The following ERICH6 variants were observed in gnomAD, a reference collection of about 807,000 sequenced individuals.
ERICH6 encodes the protein glutamate rich 6, also known as glutamate-rich protein 6.
A neutral mutation model predicts 71.0 loss-of-function variants in ERICH6; 71 were observed. That is an observed-to-expected ratio of 1.00 (90% CI 0.83 to 1.22). ERICH6 has a LOEUF of 1.22. ERICH6 is among the 50% of genes most tolerant of loss of function. ERICH6 has a pLI of 0.00. For missense variants in ERICH6, 808 were observed against 797.2 expected, an observed-to-expected ratio of 1.01 and a Z score of -0.16; for synonymous variants, 262 against 278.4, an observed-to-expected ratio of 0.94 and a Z score of 0.59.
chr3:150,702,556 G>A (rs1712930722), intron 1 of ERICH6, among the ~76,000 whole-genome samples: 1 of 152,176 alleles, frequency 6.6e-6, no homozygotes. Flanking sequence ...GATCACAGGC[G>A]TGAGCCACCG....
At chr3:150,693,355 C>T (rs778629211) in intron 3 of ERICH6, among the ~76,000 whole-genome samples, 1 of 152,162 alleles carries the variant, frequency 6.6e-6, no homozygotes, top group African/African-American at 2.4e-5. Context: ...CCAATAAAAG[C>T]CCTTTGGGAA....
At chr3:150,692,250 C>T (rs1712470192) in intron 3 of ERICH6, among the ~76,000 whole-genome samples, 1 of 152,064 alleles carries the variant, frequency 6.6e-6, no homozygotes, top group Non-Finnish European at 1.5e-5. Flanking sequence ...TAATTGGCTT[C>T]ATGCTGTATT....
chr3:150,665,422 CA>C (rs1470439964), intron 13 of ERICH6, among the ~76,000 whole-genome samples: 1 of 145,294 alleles, frequency 6.9e-6, no homozygotes, highest in Non-Finnish European at 1.5e-5. Context: ...GAGGCTGAGA[CA>C]GGAGAATCGC....
chr3:150,665,515 C>CAAAAAAAAAA (rs59227415), intron 13 of ERICH6, among the ~76,000 whole-genome samples: 1 of 63,446 alleles, frequency 1.6e-5, no homozygotes, highest in African/African-American at 7.3e-5. Context: ...GACTCCATCT[C>CAAAAAAAAAA]AAAAAAAAAA....
intron 12 of ERICH6, among the ~76,000 whole-genome samples, chr3:150,667,839 G>A (rs1727479693): frequency 6.6e-6 from 1 of 151,996 alleles, no homozygotes; most frequent in Non-Finnish European, 1.5e-5. Context: ...TTGGCCATGG[G>A]GACCCCTAGC....
At chr3:150,678,257 G>C (rs1711737332) in intron 10 of ERICH6, 152 bp downstream of exon 10, 1 of 618,814 alleles carries the variant, frequency 1.6e-6, no homozygotes, top group Admixed American at 4.1e-5. Context: ...TTGTTATAAA[G>C]TCTAGCAGAA....
chr3:150,681,807 C>CTTTTTTTT (rs34909258), intron 7 of ERICH6, among the ~76,000 whole-genome samples: 9 of 70,264 alleles, frequency 1.3e-4, no homozygotes, highest in East Asian at 5.4e-4. Flanking sequence ...ACACATAACT[C>CTTTTTTTT]TTTTTTTTTT....
In ERICH6 at chr3:150,669,391, A is replaced by G. The variant is rs751232460; in HGVS notation, c.1404T>C (p.Cys468=). 2.5e-6 allele frequency: 4 copies of G among 1,613,844 alleles called. No homozygotes were observed. The South Asian group carries it at 4.4e-5, about 18-fold the overall frequency. ...RVPNKVNGFT[C]IVQEDMPTNP... ...TAGTGGGCATATCTTCTTGGACTATACAAGTAAAACCATTTACCTTGTTGG... is the reference window on the plus strand; with the variant it reads ...TAGTGGGCATATCTTCTTGGACTATGCAAGTAAAACCATTTACCTTGTTGG... Residue 468 remains cysteine, a synonymous_variant, in exon 12 of 14, where the codon TGT becomes TGC. Transcript: ENST00000295910.
chr3:150,680,497 G>C lies in ERICH6; in HGVS notation c.1082C>G (p.Ser361Ter), dbSNP rs1371577016. ...QRMARHFAII[S>*]REQTHFSEDD... is the part of the protein sequence containing the mutation. The stretch of plus-strand genomic sequence containing the variant: ...TTCAGAGAAATGAGTCTGTTCCCTT[G>C]ATATTATTGCAAAATGTCTGGCCAT... The change falls in exon 9 of 14, where the codon TCA becomes TGA. Residue 361 changes from serine (S) to a stop codon, truncating the protein, a stop_gained. Transcript: ENST00000295910. LOFTEE classifies it high-confidence loss of function. 1.2e-6 allele frequency: 2 copies of C among 1,614,192 alleles called. No individual in the cohort carries two copies. The highest frequency in any genetic ancestry group is 1.7e-6 in the Non-Finnish European group (2 of 1,180,024).
chr3:150,703,590 G>T lies in ERICH6; in HGVS notation c.309C>A (p.Ser103Arg). The T allele has an allele frequency of 1.2e-6, 2 of 1,614,024 alleles. No homozygotes were observed. The highest frequency in any genetic ancestry group is 1.7e-6 in the Non-Finnish European group (2 of 1,180,014). ...DVRPRLASIV[S>R]PSLTSTFVPS... ...GCACGAACGTAGAGGTCAGGCTAGG[G>T]CTGACGATGCTGGCTAAGCGGGGGC... The change falls in exon 1 of 14, where the codon AGC becomes AGA. Residue 103 changes from serine (S) to arginine (R), a missense_variant. Around this residue, in one of 3 missense-constraint regions of ERICH6, gnomAD observed 736 missense variants for 712.2 expected, o/e 1.03. Transcript: ENST00000295910.
Position 150,703,656 on chromosome 3 carries a change from G to A in ERICH6, c.243C>T (p.Val81=). 3 of 1,613,816 alleles carry A rather than the reference G, an allele frequency of 1.9e-6. No homozygotes were observed. Among genetic ancestry groups the A allele is most frequent in the Non-Finnish European group, 2.5e-6 (3 of 1,179,896 alleles). ...ETFSEEYLWK[V]TDIGDYDDDF... ...CGTCGTCGTAGTCACCGATGTCCGTGACCTTCCAGAGGTACTCTTCGCTGA... is the reference window on the plus strand; with the variant it reads ...CGTCGTCGTAGTCACCGATGTCCGTAACCTTCCAGAGGTACTCTTCGCTGA... Residue 81 remains valine, a synonymous_variant, in exon 1 of 14, where the codon GTC becomes GTT. Transcript: ENST00000295910.
chr3:150,678,204 C>G (rs1435573201), intron 10 of ERICH6, among the ~76,000 whole-genome samples: 1 of 152,146 alleles, frequency 6.6e-6, no homozygotes. Context: ...ATATGCAACT[C>G]TTACATTTTA....
intron 9 of ERICH6, among the ~76,000 whole-genome samples, chr3:150,679,712 C>T (rs1056306765): frequency 6.6e-6 from 1 of 151,906 alleles, no homozygotes; most frequent in Admixed American, 6.6e-5. Flanking sequence ...AGGCTGGAGT[C>T]AATGGCACGA....
At chr3:150,662,900 T>G (rs1316760565) in intron 13 of ERICH6, among the ~76,000 whole-genome samples, 2 of 152,036 alleles carry the variant, frequency 1.3e-5, no homozygotes, top group Non-Finnish European at 2.9e-5. Context: ...CGACAGCAAA[T>G]GCAAAGACTC....
chr3:150,689,268 CAGGTAACTATTTTATATAACATAT>C (rs768104609), intron 3 of ERICH6, among the ~76,000 whole-genome samples: 5 of 152,102 alleles, frequency 3.3e-5, no homozygotes, highest in Non-Finnish European at 7.3e-5. Context: ...CAATAGAAGG[CAGGTAACTATTTTATATAACATAT>C]ATTTTGTATC....
At chr3:150,702,264 TG>T in intron 1 of ERICH6, 86 bp from the exon 2 acceptor site, 1 of 523,962 alleles carries the variant, frequency 1.9e-6, no homozygotes, top group South Asian at 2.6e-5. Flanking sequence ...TGGCAATGTC[TG>T]GAGACTTTTT....
rs140799569 is a variant in ERICH6, at chr3:150,681,379, A to G, written c.883-449T>C. Among the ~76,000 whole-genome samples, 638 of 152,274 alleles carry G rather than the reference A, an allele frequency of 4.2e-3. 5 individuals are homozygous for G. The highest frequency in any genetic ancestry group is 0.014 in the African/African-American group (565 of 41,564). On this transcript the variant is annotated intron_variant, in intron 7 of 13. Coordinates refer to ENST00000295910, the MANE Select transcript of ERICH6 (RefSeq NM_152394.5). ...ATGGTGACATGTTTCAGTACTTCACATTTCTTTTTATGGCTGAATAATAGT... is the reference window on the plus strand; with the variant it reads ...ATGGTGACATGTTTCAGTACTTCACGTTTCTTTTTATGGCTGAATAATAGT...
intron 1 of ERICH6, among the ~76,000 whole-genome samples, chr3:150,703,282 C>T (rs904633692): frequency 6.6e-6 from 1 of 151,890 alleles, no homozygotes; most frequent in Non-Finnish European, 1.5e-5. Context: ...TGGTGTTTCG[C>T]CTATATCCTA....
Position 150,660,130 on chromosome 3 carries a change from A to G in ERICH6, c.1754T>C (p.Ile585Thr). Residue 585 changes from isoleucine to threonine, a missense_variant, in exon 14 of 14, where the codon ATC (isoleucine) becomes ACC (threonine). Ile to Thr is a moderately conservative substitution (Grantham distance 89, BLOSUM62 -1). This residue lies in a region of ERICH6 where 736 missense variants were observed against 712.2 expected (regional missense o/e 1.03). Transcript: ENST00000295910. ...VKLPNPEEIP[I>T]LRYVSGDDLL... Reference sequence around the variant, plus strand: ...GTCATCTCCACTTACGTATCGGAGGATTGGAATCTCCTCAGGGTTTGGTAG... The same window carrying G: ...GTCATCTCCACTTACGTATCGGAGGGTTGGAATCTCCTCAGGGTTTGGTAG... 1 of 1,613,916 alleles carries G rather than the reference A, an allele frequency of 6.2e-7. No homozygotes were observed. The highest frequency in any genetic ancestry group is 8.5e-7 in the Non-Finnish European group (1 of 1,179,920).
Sources: gnomAD v4.1 joint callset for allele counts (sites outside exome capture counted in the v4.1 genomes callset) on GRCh38, gnomAD v4.1.1 for gene constraint, gnomAD v4.1.1 regional missense constraint, MANE v1.5 for transcripts, NCBI Gene and HGNC (gene_info 2026-07-23, HGNC 2026-07-21) for gene names.